The following BTD variants were observed in gnomAD, a reference collection of about 807,000 sequenced individuals.
BTD encodes the protein biocytinase.
In BTD, 13 loss-of-function variants were observed where a neutral mutation model predicts 17.7. The ratio of observed to expected loss-of-function variants is 0.74; its 90% confidence interval spans 0.48 to 1.17. The LOEUF is 1.17. Among genes scored for constraint, BTD ranks in the 50% most tolerant of loss-of-function variants. The pLI is 0.00. For missense variants in BTD, 674 were observed against 650.4 expected (o/e 1.04, Z -0.39); for synonymous variants, 240 against 245.2 (o/e 0.98, Z 0.20).
chr3:15,676,152 A>T (rs1038223774), intron 3 of BTD: 9 of 501,652 alleles, frequency 1.8e-5, no homozygotes, highest in Non-Finnish European at 2.8e-5. Flanking sequence ...GGAGAGCAGA[A>T]CCTCTGTGCA....
chr3:15,679,135 C>CTTTT (rs71809219), intron 3 of BTD, among the ~76,000 whole-genome samples: 1 of 143,982 alleles, frequency 6.9e-6, no homozygotes, highest in African/African-American at 2.5e-5. Context: ...TCATCATGCA[C>CTTTT]TTTTTTTTTT....
exon 5 of BTD, among the ~76,000 whole-genome samples, chr3:15,722,193 T>C (rs1475100298): frequency 6.6e-6 from 1 of 152,158 alleles, no homozygotes. Context: ...AGAGTCTCTA[T>C]TTAGAGTGGG....
At chr3:15,707,255 GAAGA>G (rs2071577907) in intron 3 of BTD, among the ~76,000 whole-genome samples, 1 of 108,848 alleles carries the variant, frequency 9.2e-6, no homozygotes, top group South Asian at 2.8e-4. Flanking sequence ...TTTCGTGCAA[GAAGA>G]AAAAAAAAAT....
rs780039053 is a variant in BTD at position 15,636,282 on chromosome 3, G to A, written c.249+594G>A. Reference sequence around the variant, plus strand: ...TTCAGACTGTTTGAGGCTCGTTTCCGGTCTCTATGTCGGACTACGATCAGT... The same window carrying A: ...TTCAGACTGTTTGAGGCTCGTTTCCAGTCTCTATGTCGGACTACGATCAGT... On this transcript the variant is annotated intron_variant, in intron 2 of 3. Coordinates refer to ENST00000643237, the MANE Select transcript of BTD (RefSeq NM_001370658.1). Among the ~76,000 whole-genome samples the A allele has an allele frequency of 1.2e-4, 19 of 152,242 alleles. 4 individuals carry two copies. The highest frequency in any genetic ancestry group is 1.9e-4 in the East Asian group (1 of 5,184).
chr3:15,675,054 G>C (rs750632700), intron 3 of BTD, among the ~76,000 whole-genome samples: 11 of 152,176 alleles, frequency 7.2e-5, no homozygotes, highest in Non-Finnish European at 8.8e-5. Context: ...CAGATCACCT[G>C]AGGTCAGGGG....
chr3:15,644,788 G>C lies in BTD; in HGVS notation c.872G>C (p.Ser291Thr). The C allele has an allele frequency of 6.2e-7, 1 of 1,614,162 alleles. No homozygotes were observed. Among genetic ancestry groups the C allele is most frequent in the African/African-American group, 1.3e-5 (1 of 75,012 alleles). ...VHHPVLGMTG[S>T]GIHTPLESFW... ...CACCCAGTTCTGGGGATGACAGGAAGTGGCATACACACCCCTCTGGAGTCC... is the reference window on the plus strand; with the variant it reads ...CACCCAGTTCTGGGGATGACAGGAACTGGCATACACACCCCTCTGGAGTCC... The change falls in exon 4 of 4, where the codon AGT (serine) becomes ACT (threonine). Residue 291 changes from serine (S) to threonine (T), a missense_variant. Physicochemically the swap from Ser to Thr is moderately conservative, Grantham distance 58 (BLOSUM62 1). Coordinates refer to ENST00000643237, the MANE Select transcript of BTD (RefSeq NM_001370658.1).
chr3:15,699,695 A>C (rs886755651), intron 3 of BTD, among the ~76,000 whole-genome samples: 4 of 152,250 alleles, frequency 2.6e-5, no homozygotes, highest in African/African-American at 9.6e-5. Context: ...ACACTATCTC[A>C]CGCCAGTTAG....
chr3:15,645,078 G>C lies in BTD; in HGVS notation c.1162G>C (p.Val388Leu), dbSNP rs771812661. Residue 388 changes from valine (V) to leucine (L), a missense_variant, in exon 4 of 4, where the codon GTC becomes CTC. Val to Leu is a conservative substitution (Grantham distance 32). Coordinates refer to ENST00000643237, the MANE Select transcript of BTD (RefSeq NM_001370658.1). The stretch of plus-strand genomic sequence containing the variant: ...GTATGACAATTTCACCCTGGTCCCT[G>C]TCTGGGGAAAGGAAGGCTATCTCCA... ...MMYDNFTLVP[V>L]WGKEGYLHVC... 4 of 1,614,208 alleles carry C rather than the reference G, an allele frequency of 2.5e-6. No individual in the cohort carries two copies. The highest frequency in any genetic ancestry group is 3.4e-6 in the Non-Finnish European group (4 of 1,180,046).
intron 1 of BTD, among the ~76,000 whole-genome samples, chr3:15,618,399 G>A (rs1183574006): frequency 6.6e-6 from 1 of 152,178 alleles, no homozygotes; most frequent in Non-Finnish European, 1.5e-5. Flanking sequence ...CATTTATTTA[G>A]TGCTGCTTTG....
At chr3:15,697,587 C>T (rs527449310) in intron 3 of BTD, among the ~76,000 whole-genome samples, 18 of 152,028 alleles carry the variant, frequency 1.2e-4, no homozygotes, top group South Asian at 4.2e-4. Context: ...AGCCTTGCAT[C>T]CCAGGGATGA....
At chr3:15,713,012 G>C (rs891780432), downstream of BTD, among the ~76,000 whole-genome samples, 1 of 152,092 alleles carries the variant, frequency 6.6e-6, no homozygotes, top group Non-Finnish European at 1.5e-5. Flanking sequence ...TTAGCAGGAG[G>C]ACTCATCTTT....
intron 1 of BTD, among the ~76,000 whole-genome samples, chr3:15,619,393 T>A (rs2064883871): frequency 2.0e-5 from 3 of 152,204 alleles, no homozygotes. Flanking sequence ...CAAACACAGC[T>A]CACTGCAGCC....
Position 15,635,478 on chromosome 3 carries a change from C to A in BTD, c.39C>A (p.Cys13Ter). Residue 13 changes from cysteine (C) to a stop codon, truncating the protein, a stop_gained, in exon 2 of 4, where the codon TGC (cysteine) becomes TGA (stop). Transcript: ENST00000643237. LOFTEE classifies it high-confidence loss of function. The surrounding 1 kb of genome is among the most constrained non-coding windows in gnomAD (Gnocchi z 4.1). ...GARSKLALFL[C>*]GCYVVALGAH... The stretch of plus-strand genomic sequence containing the variant: ...GAAGTAAGCTTGCTCTTTTCCTCTG[C>A]GGCTGTTACGTGGTTGCCCTGGGAG... 6.2e-7 allele frequency: 1 copy of A among 1,614,208 alleles called. No individual in the cohort carries two copies. Among genetic ancestry groups the A allele is most frequent in the Non-Finnish European group, 8.5e-7 (1 of 1,180,040 alleles).
intron 1 of BTD, among the ~76,000 whole-genome samples, chr3:15,634,434 G>C (rs2065291535): frequency 6.6e-6 from 1 of 152,214 alleles, no homozygotes; most frequent in South Asian, 2.1e-4. Context: ...CTTTAGCTGG[G>C]AGGCCAGGCT....
rs1414733660 is a variant in BTD, at chr3:15,649,643, T to C, written c.*4155T>C. ...TAGCTACTTCTTTAAGCTCCTCCAG[T>C]GTGCTGAGCACAGTCTGGCCCCTGT... is the stretch of plus-strand genomic sequence containing the variant. On this transcript the variant is annotated 3_prime_UTR_variant, in exon 4 of 4. Transcript: ENST00000643237. 6.6e-6 allele frequency among the ~76,000 whole-genome samples: 1 copy of C among 152,226 alleles called. No individual in the cohort carries two copies. The highest frequency in any genetic ancestry group is 2.4e-5 in the African/African-American group (1 of 41,462).
At chr3:15,656,054 C>T (rs532565348), downstream of BTD, among the ~76,000 whole-genome samples, 31 of 152,282 alleles carry the variant, frequency 2.0e-4, no homozygotes, top group African/African-American at 7.0e-4. Context: ...CCACCCACCT[C>T]GGCCTCCCAA....
chr3:15,604,636 G>A (rs571490889), intron 1 of BTD, among the ~76,000 whole-genome samples: 8 of 152,156 alleles, frequency 5.3e-5, no homozygotes, highest in Non-Finnish European at 5.9e-5. Flanking sequence ...CTACTGCATC[G>A]TCAGTCTGCA....
intron 1 of BTD, among the ~76,000 whole-genome samples, chr3:15,632,227 A>C (rs2065231183): frequency 6.6e-6 from 1 of 152,016 alleles, no homozygotes; most frequent in Admixed American, 6.5e-5. Context: ...TCACTGCCTC[A>C]TTTCTCCTTT....
At chr3:15,615,470 A>G (rs1425114651) in intron 1 of BTD, among the ~76,000 whole-genome samples, 1 of 152,190 alleles carries the variant, frequency 6.6e-6, no homozygotes, top group Non-Finnish European at 1.5e-5. Context: ...CAACCTCCAC[A>G]TCTTGTCTTT....
Sources: gnomAD v4.1 joint callset for allele counts (sites outside exome capture counted in the v4.1 genomes callset) on GRCh38, gnomAD v4.1.1 for gene constraint, Gnocchi (gnomAD v3.1) non-coding constraint, MANE v1.5 for transcripts, NCBI Gene and HGNC (gene_info 2026-07-23, HGNC 2026-07-21) for gene names.